The following NICOL1 variants were observed in gnomAD, a reference collection of about 807,000 sequenced individuals.
NICOL1 encodes the protein NELL2 interacting cell ontogeny regulator 1, also known as NELL2-interacting cell ontogeny regulator 1.
At chr4:2,042,826 T>TA in the NICOL1 span, 5 of 1,483,222 alleles carry the variant, frequency 3.4e-6, no homozygotes, top group Non-Finnish European at 4.5e-6. Flanking sequence ...GACGCGCGGG[T>TA]GAGCGCCCGC....
At chr4:2,041,831 G>A in the NICOL1 span, 1 of 702,212 alleles carries the variant, frequency 1.4e-6, no homozygotes, top group Non-Finnish European at 2.1e-6. Flanking sequence ...GACTGCATCC[G>A]CCATGGGCCT....
the NICOL1 span, among the ~76,000 whole-genome samples, chr4:2,038,079 G>A: frequency 1.6e-4 from 24 of 150,408 alleles, no homozygotes; most frequent in East Asian, 2.5e-3. Context: ...TATTAAATTT[G>A]TGCATTTAAA....
the NICOL1 span, among the ~76,000 whole-genome samples, chr4:2,041,131 CGCGGGCTGCTGGGT>C: frequency 8.5e-6 from 1 of 117,714 alleles, no homozygotes; most frequent in Non-Finnish European, 1.7e-5. Context: ...CCGGCCACAG[CGCGGGCTGCTGGGT>C]GGGGTGGGGG....
the NICOL1 span, among the ~76,000 whole-genome samples, chr4:2,038,641 T>C: frequency 5.9e-3 from 905 of 152,270 alleles, 8 homozygotes; most frequent in African/African-American, 0.021. Context: ...GATACAGTGT[T>C]CAATATATGT....
chr4:2,041,877 C>G, the NICOL1 span: 5 of 1,135,988 alleles, frequency 4.4e-6, no homozygotes, highest in Non-Finnish European at 5.8e-6. Context: ...CGGCCAGGGC[C>G]AGGCACACCC....
At chr4:2,041,970 C>A in the NICOL1 span, 450 of 1,452,650 alleles carry the variant, frequency 3.1e-4, no homozygotes, top group Middle Eastern at 9.5e-4. Flanking sequence ...GGATGGGGAA[C>A]CCGGGCGGGG....
chr4:2,040,135 C>T, the NICOL1 span, among the ~76,000 whole-genome samples: 1 of 152,076 alleles, frequency 6.6e-6, no homozygotes, highest in South Asian at 2.1e-4. Context: ...GAGATGGAGT[C>T]TCACTCTGTG....
the NICOL1 span, chr4:2,042,791 C>T: frequency 6.6e-7 from 1 of 1,517,298 alleles, no homozygotes; most frequent in Non-Finnish European, 8.8e-7. Flanking sequence ...CCCTGCAGGA[C>T]CTGCGGAAGA....
chr4:2,042,017 G>A, the NICOL1 span: 1 of 1,471,812 alleles, frequency 6.8e-7, no homozygotes, highest in South Asian at 1.3e-5. Flanking sequence ...CGCCGGACGC[G>A]GAACGTCTGC....
the NICOL1 span, chr4:2,042,024 C>T: frequency 2.0e-6 from 3 of 1,473,902 alleles, no homozygotes; most frequent in Non-Finnish European, 2.7e-6. Context: ...CGCGGAACGT[C>T]TGCCGGTGTC....
chr4:2,042,943 G>T, the NICOL1 span: 1 of 647,256 alleles, frequency 1.5e-6, no homozygotes. Context: ...CCCGATTTAA[G>T]ATGCCGCACC....
At chr4:2,041,770 T>G in the NICOL1 span, 1 of 465,006 alleles carries the variant, frequency 2.2e-6, no homozygotes, top group Non-Finnish European at 3.7e-6. Context: ...CCCGCCGGCC[T>G]TGCGCTCTGG....
the NICOL1 span, among the ~76,000 whole-genome samples, chr4:2,043,151 A>C: frequency 1.3e-5 from 2 of 152,170 alleles, no homozygotes; most frequent in Non-Finnish European, 2.9e-5. Flanking sequence ...AGCCCAATCC[A>C]GGATCCCCTA....
the NICOL1 span, among the ~76,000 whole-genome samples, chr4:2,040,417 G>T: frequency 6.6e-6 from 1 of 152,190 alleles, no homozygotes. Context: ...TGGGCGCTAG[G>T]GGCAGGGGTG....
At chr4:2,038,998 C>T in the NICOL1 span, among the ~76,000 whole-genome samples, 3 of 152,286 alleles carry the variant, frequency 2.0e-5, no homozygotes, top group East Asian at 3.9e-4. Flanking sequence ...TCAAAGAAAG[C>T]ATTAAATAAG....
At chr4:2,042,049 C>T in the NICOL1 span, 11 of 1,475,984 alleles carry the variant, frequency 7.5e-6, no homozygotes, top group South Asian at 1.3e-4. Flanking sequence ...CGCTGCTGGT[C>T]CCGGGGTCCC....
the NICOL1 span, among the ~76,000 whole-genome samples, chr4:2,039,675 G>GA: frequency 6.6e-6 from 1 of 150,758 alleles, no homozygotes; most frequent in East Asian, 2.0e-4. Context: ...CTCTACCAAA[G>GA]AAAAAAATAC....
chr4:2,040,588 C>T, the NICOL1 span, among the ~76,000 whole-genome samples: 2 of 152,192 alleles, frequency 1.3e-5, no homozygotes, highest in Admixed American at 6.5e-5. Flanking sequence ...GGGACCGCGA[C>T]GGCCTGCTCC....
chr4:2,041,604 G>A, the NICOL1 span: 1 of 191,238 alleles, frequency 5.2e-6, no homozygotes. Flanking sequence ...CTCTCCGGGC[G>A]GTGCGACCCC....
Sources: gnomAD v4.1 joint callset for allele counts (sites outside exome capture counted in the v4.1 genomes callset) on GRCh38, gnomAD v4.1.1 for gene constraint, MANE v1.5 for transcripts, NCBI Gene and HGNC (gene_info 2026-07-23, HGNC 2026-07-21) for gene names.